Variants in C1orf21 observed in about 807,000 individuals in gnomAD.
The protein encoded by C1orf21 is chromosome 1 open reading frame 21.
In C1orf21, 3 loss-of-function variants were observed where a neutral mutation model predicts 18.7. The observed-to-expected ratio is 0.16, with a 90% CI of 0.07 to 0.42. C1orf21 has a LOEUF of 0.42. Among genes scored for constraint, C1orf21 ranks in the 10% least tolerant of loss-of-function variants. The pLI is 0.99. For synonymous variants in C1orf21, 41 were observed against 46.4 expected, an observed-to-expected ratio of 0.88 and a Z score of 0.47; for missense variants, 104 against 143.6, an observed-to-expected ratio of 0.72 and a Z score of 1.41.
chr1:184,524,631 GT>G (rs959238403), intron 3 of C1orf21, among the ~76,000 whole-genome samples: 15 of 151,480 alleles, frequency 9.9e-5, no homozygotes, highest in Admixed American at 5.9e-4. Flanking sequence ...TAGAACTAGG[GT>G]TTTTTTTAAT....
At chr1:184,391,353 G>A (rs1231991330) in intron 1 of C1orf21, among the ~76,000 whole-genome samples, 1 of 152,148 alleles carries the variant, frequency 6.6e-6, no homozygotes, top group Non-Finnish European at 1.5e-5. Context: ...TTTGTGAAAG[G>A]AGATGCAGCT....
In C1orf21 at chr1:184,626,774, T is replaced by C. The variant is rs1660018226; in HGVS notation, c.*7218T>C. On this transcript the variant is annotated 3_prime_UTR_variant, in exon 6 of 6. Transcript: ENST00000235307. ...AAAAGCTATTTGAATTCAAGGACTT[T>C]AACCTGGGCCGGATCTGGTTTGGAG... The C allele has an allele frequency of 6.6e-6, 1 of 152,418 alleles. No individual in the cohort carries two copies. The highest frequency in any genetic ancestry group is 6.5e-5 in the Admixed American group (1 of 15,292). The allele number at this position is 152,418 out of a possible 1,614,324, so 9.4% of individuals were successfully genotyped here. A position where few individuals can be genotyped will look rare whatever the true frequency, so the allele number is the denominator to read the frequency against.
At chr1:184,507,332 T>G (rs1658077723) in intron 2 of C1orf21, among the ~76,000 whole-genome samples, 1 of 152,182 alleles carries the variant, frequency 6.6e-6, no homozygotes, top group Non-Finnish European at 1.5e-5. Flanking sequence ...ATTTGCTCTC[T>G]GTGGAAGGAC....
chr1:184,423,370 A>G (rs1460255157), intron 1 of C1orf21, among the ~76,000 whole-genome samples: 1 of 152,204 alleles, frequency 6.6e-6, no homozygotes, highest in Non-Finnish European at 1.5e-5. Context: ...GATGGAGGAT[A>G]TATCCAAGAT....
At chr1:184,456,436 T>A (rs2101981769) in intron 1 of C1orf21, among the ~76,000 whole-genome samples, 1 of 152,334 alleles carries the variant, frequency 6.6e-6, no homozygotes, top group South Asian at 2.1e-4. Flanking sequence ...TCCTCTTTAA[T>A]TAACCAAGTT....
intron 3 of C1orf21, among the ~76,000 whole-genome samples, chr1:184,574,264 A>G (rs1288770097): frequency 6.6e-6 from 1 of 152,204 alleles, no homozygotes; most frequent in Non-Finnish European, 1.5e-5. Flanking sequence ...CGGAAGACTC[A>G]AACATTTTGT....
intron 1 of C1orf21, among the ~76,000 whole-genome samples, chr1:184,455,244 T>G (rs1294277402): frequency 6.6e-6 from 1 of 152,228 alleles, no homozygotes; most frequent in Non-Finnish European, 1.5e-5. Context: ...AGAAGGAGCC[T>G]TACAGGTCTG....
In C1orf21 at chr1:184,387,797, A is replaced by C. The variant is rs753209411; in HGVS notation, c.-125+429A>C. Among the ~76,000 whole-genome samples the C allele has an allele frequency of 3.9e-5, 6 of 152,200 alleles. No individual in the cohort carries two copies. The highest frequency in any genetic ancestry group is 7.3e-5 in the Non-Finnish European group (5 of 68,030). ...CCGTACTTTGCAAGCCAGAGCTTGA[A>C]AGGAAAAACACAATTTAGGATCCTT... On this transcript the variant is annotated intron_variant, in intron 1 of 5. Coordinates refer to ENST00000235307, the MANE Select transcript of C1orf21 (RefSeq NM_030806.4). This position sits in a 1 kb window ranked among gnomAD's most constrained non-coding sequence, Gnocchi z 5.6.
At chr1:184,536,671 A>G (rs1480795230) in intron 3 of C1orf21, among the ~76,000 whole-genome samples, 2 of 152,136 alleles carry the variant, frequency 1.3e-5, no homozygotes, top group African/African-American at 4.8e-5. Context: ...AAAAATAAAT[A>G]ATGTGTGCAA....
At chr1:184,399,595 T>C (rs1290499771) in intron 1 of C1orf21, among the ~76,000 whole-genome samples, 1 of 152,118 alleles carries the variant, frequency 6.6e-6, no homozygotes, top group East Asian at 1.9e-4. Flanking sequence ...GCTCAAGCAA[T>C]CTGCCCACCT....
Position 184,619,766 on chromosome 1 carries a change from C to T in C1orf21, c.*210C>T. 1 of 455,806 alleles carries T rather than the reference C, an allele frequency of 2.2e-6. No individual in the cohort carries two copies. The highest frequency in any genetic ancestry group is 3.8e-6 in the Non-Finnish European group (1 of 264,376). 28.2% of individuals were successfully genotyped at this position (455,806 alleles called of 1,614,324 possible). On this transcript the variant is annotated 3_prime_UTR_variant, in exon 6 of 6. Transcript: ENST00000235307. ...ACAAACAAAAAAAACTGTTATCGAA[C>T]TTTCTTTGTTGCTGCTAGTTAAAAC...
At chr1:184,610,195 C>T (rs1412957730) in intron 5 of C1orf21, among the ~76,000 whole-genome samples, 1 of 152,182 alleles carries the variant, frequency 6.6e-6, no homozygotes, top group Non-Finnish European at 1.5e-5. Flanking sequence ...TATTTTGTGA[C>T]ATGTGAAAAA....
chr1:184,534,792 G>A (rs78918513), intron 3 of C1orf21, among the ~76,000 whole-genome samples: 4,426 of 152,212 alleles, frequency 0.029, 102 homozygotes, highest in East Asian at 0.065. Flanking sequence ...GTAGAGGTAG[G>A]AAAGTCTAGG....
rs528347694 is a variant in C1orf21, at chr1:184,624,571, A to C, written c.*5015A>C. 2 of 152,172 alleles carry C rather than the reference A, an allele frequency of 1.3e-5. No homozygotes were observed. The highest frequency in any genetic ancestry group is 2.9e-5 in the Non-Finnish European group (2 of 68,032). 9.4% of individuals were successfully genotyped at this position (152,172 alleles called of 1,614,324 possible). ...GTCTGGGACAATCCGATCTCCAAGC[A>C]TGGAGGAAAGGCAATGCCTGGACCA... On this transcript the variant is annotated 3_prime_UTR_variant, in exon 6 of 6. Coordinates refer to ENST00000235307, the MANE Select transcript of C1orf21 (RefSeq NM_030806.4).
intron 5 of C1orf21, among the ~76,000 whole-genome samples, chr1:184,616,076 T>C (rs12239499): frequency 0.22 from 33,534 of 152,192 alleles, 4,873 homozygotes; most frequent in African/African-American, 0.42. Flanking sequence ...AAGCCTACTA[T>C]CCTTTGCACA....
chr1:184,587,396 A>T (rs1356662934), intron 3 of C1orf21, among the ~76,000 whole-genome samples: 2 of 151,448 alleles, frequency 1.3e-5, no homozygotes, highest in East Asian at 1.9e-4. Flanking sequence ...CTTTTTAACA[A>T]TATTGATTCT....
At chr1:184,459,936 G>A (rs960144600) in intron 1 of C1orf21, among the ~76,000 whole-genome samples, 11 of 152,044 alleles carry the variant, frequency 7.2e-5, no homozygotes, top group African/African-American at 2.2e-4. Context: ...TCCTCTGGCC[G>A]CTTCCAGTCT....
At chr1:184,534,184 T>C (rs1247285931) in intron 3 of C1orf21, among the ~76,000 whole-genome samples, 1 of 152,218 alleles carries the variant, frequency 6.6e-6, no homozygotes, top group Non-Finnish European at 1.5e-5. Flanking sequence ...ACTAGCTCAT[T>C]GGAGCCTCAC....
chr1:184,492,386 C>G (rs1159610427), intron 2 of C1orf21, among the ~76,000 whole-genome samples: 1 of 152,194 alleles, frequency 6.6e-6, no homozygotes, highest in African/African-American at 2.4e-5. Context: ...ATGGACAATT[C>G]ACTCAACTGT....
Sources: gnomAD v4.1 joint callset for allele counts (sites outside exome capture counted in the v4.1 genomes callset) on GRCh38, gnomAD v4.1.1 for gene constraint, Gnocchi (gnomAD v3.1) non-coding constraint, MANE v1.5 for transcripts, NCBI Gene and HGNC (gene_info 2026-07-23, HGNC 2026-07-21) for gene names.